NAV2: variants seen among roughly 807,000 people sequenced by gnomAD.
The protein encoded by NAV2 is helicase, APC down-regulated 1.
A neutral mutation model predicts 223.2 loss-of-function variants in NAV2; 54 were observed. The ratio of observed to expected loss-of-function variants is 0.24; its 90% confidence interval spans 0.19 to 0.30. The LOEUF is 0.30. NAV2 is among the 10% of genes least tolerant of loss of function. NAV2 has a pLI of 1.00. For missense variants in NAV2, 2,806 were observed against 3,147.5 expected, an observed-to-expected ratio of 0.89 and a Z score of 2.60; for synonymous variants, 1,279 against 1,239.3, an observed-to-expected ratio of 1.03 and a Z score of -0.67.
chr11:19,889,367 C>G (rs1378599131), intron 5 of NAV2, among the ~76,000 whole-genome samples: 4 of 152,186 alleles, frequency 2.6e-5, no homozygotes, highest in Admixed American at 2.6e-4. Context: ...ACTACAGAGT[C>G]AACATAGATT....
chr11:19,349,950 A>T (rs1010957350), upstream of NAV2, among the ~76,000 whole-genome samples: 1 of 150,220 alleles, frequency 6.7e-6, no homozygotes, highest in Non-Finnish European at 1.5e-5. Flanking sequence ...GCTCTTTCTC[A>T]CCCTCCCTGA....
rs1038395639 is a variant in NAV2, at chr11:20,121,473, G to A, written c.*3215G>A. The A allele has an allele frequency of 6.7e-6, 1 of 149,576 alleles. No individual in the cohort carries two copies. Among genetic ancestry groups the A allele is most frequent in the Non-Finnish European group, 1.5e-5 (1 of 67,496 alleles). 9.3% of individuals were successfully genotyped at this position (149,576 alleles called of 1,614,324 possible). A position where few individuals can be genotyped will look rare whatever the true frequency, so the allele number is the denominator to read the frequency against. ...CTTCCTACCTATTTAATTTTCATTT[G>A]TCATGAGGTTTTTGGATTTGCCAAT... On this transcript the variant is annotated 3_prime_UTR_variant, in exon 38 of 38. Transcript: ENST00000349880.
chr11:20,079,628 G>A (rs934996030), intron 24 of NAV2, among the ~76,000 whole-genome samples: 4 of 152,148 alleles, frequency 2.6e-5, no homozygotes, highest in African/African-American at 9.7e-5. Context: ...TCCAGATAGA[G>A]GGATAGCACA....
intron 1 of NAV2, among the ~76,000 whole-genome samples, chr11:19,406,128 G>C (rs1244864789): frequency 2.0e-5 from 3 of 152,184 alleles, no homozygotes; most frequent in Admixed American, 1.3e-4. Context: ...GTCAGCCCAG[G>C]CTGGCTTGGC....
At chr11:19,963,058 T>C (rs1325209454) in intron 10 of NAV2, among the ~76,000 whole-genome samples, 3 of 152,156 alleles carry the variant, frequency 2.0e-5, no homozygotes, top group Admixed American at 2.0e-4. Flanking sequence ...GTTGGCTCTA[T>C]AGAGAAGGGG....
In NAV2 at chr11:19,933,563, A is replaced by G. The variant is rs1198569963; in HGVS notation, c.1319A>G (p.Glu440Gly). ...ACTCTGCCCAGCTTCGAAGAGAGCGAGGAGCTGGAGGCCGCCAGTCGCATG... is the reference window on the plus strand; with the variant it reads ...ACTCTGCCCAGCTTCGAAGAGAGCGGGGAGCTGGAGGCCGCCAGTCGCATG... ...LETLPSFEES[E>G]ELEAASRMLT... The change falls in exon 7 of 38, where the codon GAG becomes GGG. Residue 440 changes from glutamate to glycine, a missense_variant. Around this residue, in one of 4 missense-constraint regions of NAV2, gnomAD observed 1,167 missense variants for 1,180.5 expected, o/e 0.99. Coordinates refer to ENST00000349880, the MANE Select transcript of NAV2 (RefSeq NM_145117.5). This position sits in a 1 kb window ranked among gnomAD's most constrained non-coding sequence, Gnocchi z 4.3. 2 of 1,610,370 alleles carry G rather than the reference A, an allele frequency of 1.2e-6. No individual in the cohort carries two copies. Among genetic ancestry groups the G allele is most frequent in the Non-Finnish European group, 1.7e-6 (2 of 1,177,754 alleles).
At chr11:19,743,644 A>G (rs2053060213) in intron 1 of NAV2, among the ~76,000 whole-genome samples, 1 of 152,250 alleles carries the variant, frequency 6.6e-6, no homozygotes, top group Non-Finnish European at 1.5e-5. Flanking sequence ...CGAGGCCACA[A>G]AAAAGTGCTG....
intron 3 of NAV2, among the ~76,000 whole-genome samples, chr11:19,852,087 C>T (rs2152979530): frequency 6.6e-6 from 1 of 152,294 alleles, no homozygotes. Context: ...ATGGATGCAG[C>T]CCTGCCAAAT....
chr11:19,948,537 G>A (rs2047121403), intron 9 of NAV2, among the ~76,000 whole-genome samples, 154 bp from the exon 10 acceptor site: 1 of 152,168 alleles, frequency 6.6e-6, no homozygotes, highest in African/African-American at 2.4e-5. Flanking sequence ...CTCATTTTGA[G>A]CAGAGGAAGC....
At chr11:19,634,555 A>G (rs1197158863) in intron 1 of NAV2, among the ~76,000 whole-genome samples, 5 of 152,192 alleles carry the variant, frequency 3.3e-5, no homozygotes, top group Non-Finnish European at 7.3e-5. Flanking sequence ...AACTGACTTC[A>G]TTTATTCGTC....
intron 1 of NAV2, among the ~76,000 whole-genome samples, chr11:19,722,660 A>T (rs2050845333): frequency 1.3e-5 from 2 of 152,234 alleles, no homozygotes; most frequent in Non-Finnish European, 2.9e-5. Flanking sequence ...TTTAGTTAAT[A>T]TTTGCAGAAG....
At chr11:19,444,100 G>A (rs1451085074) in intron 1 of NAV2, among the ~76,000 whole-genome samples, 1 of 152,046 alleles carries the variant, frequency 6.6e-6, no homozygotes, top group African/African-American at 2.4e-5. Flanking sequence ...ATGACACCAC[G>A]ACTGGCTAAT....
Position 19,655,507 on chromosome 11 carries a change from G to C in NAV2, c.76-176977G>C, listed in dbSNP as rs1057511006. On this transcript the variant is annotated intron_variant, in intron 1 of 37. Transcript: ENST00000360655. ...GGAACCAACCCTAATGTCCAACAAT[G>C]ATAGACTGGGTTAAGAAAATGTGGC... 4.6e-5 allele frequency among the ~76,000 whole-genome samples: 7 copies of C among 152,204 alleles called. No individual in the cohort carries two copies. In the South Asian group the frequency reaches 1.2e-3, roughly 27 times the overall value.
chr11:19,601,277 C>A (rs4757824), intron 1 of NAV2, among the ~76,000 whole-genome samples: 110,647 of 152,108 alleles, frequency 0.73, 48,212 homozygotes, highest in Non-Finnish European at 0.96. Context: ...TGCCCCTACA[C>A]CCTACTTGGA....
At chr11:19,449,283 G>T (rs565341082) in intron 1 of NAV2, among the ~76,000 whole-genome samples, 2 of 151,940 alleles carry the variant, frequency 1.3e-5, no homozygotes, top group African/African-American at 2.4e-5. Context: ...AGATTCTGAC[G>T]AATGTGGAGG....
intron 1 of NAV2, among the ~76,000 whole-genome samples, chr11:19,407,309 C>T (rs1208901830): frequency 3.3e-5 from 5 of 152,164 alleles, no homozygotes; most frequent in Admixed American, 6.5e-5. Context: ...TAAACAGAGC[C>T]GTGCTGAGAG....
At chr11:19,670,425 C>T (rs936799092) in intron 1 of NAV2, among the ~76,000 whole-genome samples, 2 of 152,344 alleles carry the variant, frequency 1.3e-5, no homozygotes, top group Non-Finnish European at 2.9e-5. Flanking sequence ...ACAGTACAGG[C>T]TCAACAGATA....
At chr11:19,997,124 C>A (rs546955723) in intron 11 of NAV2, among the ~76,000 whole-genome samples, 1 of 152,254 alleles carries the variant, frequency 6.6e-6, no homozygotes, top group African/African-American at 2.4e-5. Context: ...GTAATTGAAG[C>A]CCTAGAGAAG....
intron 1 of NAV2, among the ~76,000 whole-genome samples, chr11:19,432,588 C>A (rs896891990): frequency 3.3e-5 from 5 of 152,146 alleles, no homozygotes; most frequent in African/African-American, 1.2e-4. Flanking sequence ...GATGAAGCAG[C>A]CACTGAGAAG....
Sources: allele counts gnomAD v4.1 joint callset (sites outside exome capture counted in the v4.1 genomes callset), GRCh38; gene constraint gnomAD v4.1.1; regional missense constraint gnomAD v4.1.1; non-coding constraint Gnocchi (gnomAD v3.1); transcripts MANE v1.5; gene names NCBI Gene and HGNC (gene_info 2026-07-23, HGNC 2026-07-21).